Variants in STK4 observed in about 807,000 individuals in gnomAD.
The protein encoded by STK4 is serine/threonine kinase 4, also known as serine/threonine-protein kinase 4.
A neutral mutation model predicts 64.9 loss-of-function variants in STK4; 30 were observed. The ratio of observed to expected loss-of-function variants is 0.46; its 90% confidence interval spans 0.35 to 0.63. The LOEUF (loss-of-function observed/expected upper bound fraction) is 0.63. Ranked by LOEUF, STK4 falls within the 20% of genes least tolerant of loss-of-function variation. The pLI, the probability that STK4 is intolerant of heterozygous loss-of-function variation, is 0.01. For synonymous variants in STK4, 177 were observed against 199.0 expected (o/e 0.89, Z 0.93); for missense variants, 466 against 598.5 (o/e 0.78, Z 2.31).
intron 9 of STK4, among the ~76,000 whole-genome samples, chr20:45,016,313 G>A (rs1267726615): frequency 2.0e-5 from 3 of 152,184 alleles, no homozygotes; most frequent in Non-Finnish European, 4.4e-5. Flanking sequence ...TCTTAATACA[G>A]TGGAATTTAT....
chr20:45,071,289 T>C (rs1197421394), intron 10 of STK4, among the ~76,000 whole-genome samples: 1 of 152,248 alleles, frequency 6.6e-6, no homozygotes, highest in Non-Finnish European at 1.5e-5. Flanking sequence ...AGATTCTGGC[T>C]GTAGCAAAAC....
chr20:44,998,450 A>G (rs1000613870), intron 7 of STK4, among the ~76,000 whole-genome samples: 2 of 152,212 alleles, frequency 1.3e-5, no homozygotes, highest in Admixed American at 6.5e-5. Flanking sequence ...TATGAACGTG[A>G]TAAATATTAG....
intron 9 of STK4, among the ~76,000 whole-genome samples, chr20:45,019,838 G>A (rs1236381077): frequency 1.3e-5 from 2 of 152,174 alleles, no homozygotes. Flanking sequence ...GGGACAGCAT[G>A]GCCTTTAATC....
At chr20:44,999,764 C>A (rs1246506273) in intron 7 of STK4, among the ~76,000 whole-genome samples, 2 of 152,102 alleles carry the variant, frequency 1.3e-5, no homozygotes, top group African/African-American at 4.8e-5. Flanking sequence ...GCACTAAAAT[C>A]CTTTTTACCT....
rs558459058 is a variant in STK4, at chr20:45,050,394, C to T, written c.1306-24624C>T. ...GATCTCTGATTTAACCAGTCTCCAG[C>T]TGATGGTCATTTAGGTAGCCTTCAG... On this transcript the variant is annotated intron_variant, in intron 10 of 10. Transcript: ENST00000372806. 4.6e-4 allele frequency among the ~76,000 whole-genome samples: 70 copies of T among 152,322 alleles called. 1 individual carries two copies. Among genetic ancestry groups the T allele is most frequent in the African/African-American group, 1.6e-3 (65 of 41,574 alleles).
chr20:45,024,881 A>T lies in STK4; in HGVS notation c.1148-92A>T, dbSNP rs954124141. 14 of 1,249,686 alleles carry T rather than the reference A, an allele frequency of 1.1e-5. No individual in the cohort carries two copies. In the African/African-American group the frequency reaches 2.2e-4, roughly 19 times the overall value. The allele number at this position is 1,249,686 out of a possible 1,614,324, so 77.4% of individuals were successfully genotyped here. On this transcript the variant is annotated intron_variant, in intron 9 of 10. Coordinates refer to ENST00000372806, the MANE Select transcript of STK4 (RefSeq NM_006282.5). Reference sequence around the variant, plus strand: ...CTAACAGAAATATCCACTGATCCAGAGATTGTAGCCCATCTGGAGATATGT... The same window carrying T: ...CTAACAGAAATATCCACTGATCCAGTGATTGTAGCCCATCTGGAGATATGT...
At chr20:45,026,433 A>G (rs964661893) in intron 10 of STK4, among the ~76,000 whole-genome samples, 6 of 151,842 alleles carry the variant, frequency 4.0e-5, no homozygotes, top group Non-Finnish European at 7.4e-5. Flanking sequence ...TATCTAGAGG[A>G]GAGATTTTTA....
chr20:44,982,828 T>C (rs1389677299), intron 4 of STK4, among the ~76,000 whole-genome samples: 1 of 149,520 alleles, frequency 6.7e-6, no homozygotes, highest in African/African-American at 2.6e-5. Flanking sequence ...GGTAGTGTAC[T>C]TCGGAATAGG....
At chr20:45,008,266 G>C (rs2067985497) in intron 9 of STK4, among the ~76,000 whole-genome samples, 1 of 152,124 alleles carries the variant, frequency 6.6e-6, no homozygotes, top group Non-Finnish European at 1.5e-5. Flanking sequence ...TGTCGTCCAG[G>C]CTGGTCTCGA....
intron 10 of STK4, among the ~76,000 whole-genome samples, chr20:45,063,818 T>C (rs1282015738): frequency 6.6e-6 from 1 of 151,990 alleles, no homozygotes; most frequent in Non-Finnish European, 1.5e-5. Flanking sequence ...ATTTATTTAT[T>C]TATTTTTGAG....
At chr20:45,017,517 A>T (rs1205784989) in intron 9 of STK4, among the ~76,000 whole-genome samples, 1 of 152,218 alleles carries the variant, frequency 6.6e-6, no homozygotes, top group Admixed American at 6.5e-5. Flanking sequence ...TGTTTTCATT[A>T]TTCAGGTTGG....
chr20:45,020,466 GTA>G (rs143940547), intron 9 of STK4, among the ~76,000 whole-genome samples: 3,390 of 89,042 alleles, frequency 0.038, 73 homozygotes, highest in African/African-American at 0.15. Flanking sequence ...GTGTGTGTGT[GTA>G]TGTTTATGTT....
intron 10 of STK4, among the ~76,000 whole-genome samples, chr20:45,026,128 GT>G (rs33913833): frequency 0.25 from 31,951 of 128,786 alleles, 3,732 homozygotes; most frequent in Middle Eastern, 0.4. Flanking sequence ...TTATCCAGTG[GT>G]TTTTTTTTTT....
chr20:45,013,539 G>A (rs1021114890), intron 9 of STK4, among the ~76,000 whole-genome samples: 9 of 152,046 alleles, frequency 5.9e-5, no homozygotes, highest in Admixed American at 5.9e-4. Flanking sequence ...TTTTTTAATA[G>A]CAAATGTATG....
intron 4 of STK4, among the ~76,000 whole-genome samples, chr20:44,986,732 A>G (rs192332814): frequency 2.0e-5 from 3 of 152,320 alleles, no homozygotes; most frequent in Non-Finnish European, 4.4e-5. Context: ...GAAGATAGAG[A>G]AAAGTCAAGG....
chr20:45,011,017 A>G (rs1266986043), intron 9 of STK4, among the ~76,000 whole-genome samples: 5 of 152,234 alleles, frequency 3.3e-5, no homozygotes, highest in African/African-American at 4.8e-5. Flanking sequence ...TCAAGCATAC[A>G]TGTGAGAACG....
At position 45,030,028 on chromosome 20, in the gene STK4, G is replaced by A. The variant is rs948209223; in HGVS notation, c.1305+4898G>A. 2.0e-5 allele frequency among the ~76,000 whole-genome samples: 3 copies of A among 151,794 alleles called. No homozygotes were observed. In the South Asian group the frequency reaches 6.2e-4, roughly 32 times the overall value. On this transcript the variant is annotated intron_variant, in intron 10 of 10. Coordinates refer to ENST00000372806, the MANE Select transcript of STK4 (RefSeq NM_006282.5). ...CAAATAAAGAGCTAGTCCTTTGAGT[G>A]AAGAAAGTTCTGAATAATCTCCTGA...
At chr20:44,986,883 G>C (rs1184146530) in intron 4 of STK4, among the ~76,000 whole-genome samples, 1 of 152,114 alleles carries the variant, frequency 6.6e-6, no homozygotes, top group Non-Finnish European at 1.5e-5. Context: ...GTTTGATTTT[G>C]ACATGTTATG....
chr20:44,968,839 G>A (rs1042109271), intron 1 of STK4, among the ~76,000 whole-genome samples: 1 of 152,200 alleles, frequency 6.6e-6, no homozygotes, highest in African/African-American at 2.4e-5. Flanking sequence ...CTAATTTGAA[G>A]CAGATCAATT....
Sources: gnomAD v4.1 joint callset for allele counts (sites outside exome capture counted in the v4.1 genomes callset) on GRCh38, gnomAD v4.1.1 for gene constraint, MANE v1.5 for transcripts, NCBI Gene and HGNC (gene_info 2026-07-23, HGNC 2026-07-21) for gene names.